Variants in ALDH7A1 observed in about 807,000 individuals in gnomAD.
The protein encoded by ALDH7A1 is alpha-aminoadipic semialdehyde dehydrogenase.
ALDH7A1 carries 63 observed loss-of-function variants against 79.9 expected under a neutral mutation model. That is an observed-to-expected ratio of 0.79 (90% confidence interval 0.64 to 0.97). The LOEUF is 0.97. Ranked by LOEUF, ALDH7A1 falls within the 50% of genes least tolerant of loss-of-function variation. ALDH7A1 has a pLI of 0.00. For missense variants in ALDH7A1, 627 were observed against 665.2 expected (o/e 0.94, Z 0.63); for synonymous variants, 240 against 231.2 (o/e 1.04, Z -0.34).
chr5:126,582,020 G>T, intron 5 of ALDH7A1: 1 of 397,000 alleles, frequency 2.5e-6, no homozygotes, highest in Non-Finnish European at 4.4e-6. Flanking sequence ...TTGGCTGTAC[G>T]TGCTCTAAAA....
intron 5 of ALDH7A1, chr5:126,581,875 G>C (rs1751187636): frequency 3.6e-6 from 1 of 274,702 alleles, no homozygotes; most frequent in Non-Finnish European, 6.7e-6. Flanking sequence ...CTACTCAGGA[G>C]TCTGAGGCAG....
intron 11 of ALDH7A1, 99 bp downstream of exon 11, chr5:126,559,141 G>T: frequency 1.0e-6 from 1 of 953,050 alleles, no homozygotes; most frequent in Non-Finnish European, 1.7e-6. Context: ...TAGAGAGCAT[G>T]TTGTTCTAGC....
At chr5:126,546,707 C>T (rs1749799126) in intron 16 of ALDH7A1, among the ~76,000 whole-genome samples, 1 of 151,682 alleles carries the variant, frequency 6.6e-6, no homozygotes, top group Non-Finnish European at 1.5e-5. Context: ...TGTAACCCCA[C>T]CGTGCCCAGC....
At chr5:126,569,991 C>T (rs899274575) in intron 8 of ALDH7A1, 1 of 152,194 alleles carries the variant, frequency 6.6e-6, no homozygotes, top group Admixed American at 6.5e-5. Flanking sequence ...CAGTTCAGCA[C>T]AAGTATAGTC....
At chr5:126,563,280 CTTTA>C (rs1429532819) in intron 9 of ALDH7A1, among the ~76,000 whole-genome samples, 2 of 151,664 alleles carry the variant, frequency 1.3e-5, no homozygotes, top group Non-Finnish European at 2.9e-5. Flanking sequence ...TTTCATTTTA[CTTTA>C]TTTTCTGATG....
At chr5:126,556,143 AT>A (rs1401845018) in intron 11 of ALDH7A1, 128 bp from the exon 12 acceptor site, 9 of 475,728 alleles carry the variant, frequency 1.9e-5, no homozygotes, top group Middle Eastern at 6.3e-4. Flanking sequence ...AAGCATGTTT[AT>A]TTTTTTAATT....
At chr5:126,579,030 C>G (rs1405371302) in intron 5 of ALDH7A1, among the ~76,000 whole-genome samples, 1 of 146,126 alleles carries the variant, frequency 6.8e-6, no homozygotes, top group Non-Finnish European at 1.5e-5. Context: ...GCCTCCTCCT[C>G]TCCAGCCCTC....
intron 14 of ALDH7A1, among the ~76,000 whole-genome samples, chr5:126,551,693 A>G (rs1172528513): frequency 6.6e-6 from 1 of 152,118 alleles, no homozygotes; most frequent in Non-Finnish European, 1.5e-5. Context: ...CACTCAGGCT[A>G]TCAAACTATC....
intron 11 of ALDH7A1, among the ~76,000 whole-genome samples, chr5:126,558,013 C>T (rs1309723129): frequency 6.6e-6 from 1 of 151,458 alleles, no homozygotes; most frequent in Non-Finnish European, 1.5e-5. Flanking sequence ...ACTAAAAATA[C>T]AAAAATTAGC....
chr5:126,544,838 TA>T lies in ALDH7A1; in HGVS notation c.*126del. On this transcript the variant is annotated 3_prime_UTR_variant, in exon 18 of 18. Transcript: ENST00000409134. ...TGATTTAATCAGGGCTTTGGGGTCA[TA>T]GGGGGATTAGTCACTGTCACAGTCA... 2.6e-6 allele frequency: 2 copies of T among 763,206 alleles called. No individual in the cohort carries two copies. Among genetic ancestry groups the T allele is most frequent in the South Asian group, 1.5e-5 (1 of 68,022 alleles). 47.3% of individuals were successfully genotyped at this position (763,206 alleles called of 1,614,324 possible).
chr5:126,551,555 T>C (rs1233355521), intron 14 of ALDH7A1, among the ~76,000 whole-genome samples: 1 of 152,094 alleles, frequency 6.6e-6, no homozygotes, highest in Non-Finnish European at 1.5e-5. Context: ...ACTCCTGACC[T>C]CAGGTGATCT....
chr5:126,575,648 G>A (rs925450368), intron 6 of ALDH7A1, among the ~76,000 whole-genome samples, 184 bp from the exon 7 acceptor site: 1 of 152,074 alleles, frequency 6.6e-6, no homozygotes, highest in Non-Finnish European at 1.5e-5. Flanking sequence ...GAGACCTAAG[G>A]AACAACAAAA....
chr5:126,556,158 T>C (rs1171295994), intron 11 of ALDH7A1, 143 bp from the exon 12 acceptor site: 4 of 433,898 alleles, frequency 9.2e-6, no homozygotes, highest in African/African-American at 6.2e-5. Flanking sequence ...TTTAATTATA[T>C]AATTTATCAT....
At chr5:126,559,439 T>G (rs2112768801) in intron 10 of ALDH7A1, 105 bp from the exon 11 acceptor site, 5 of 817,034 alleles carry the variant, frequency 6.1e-6, no homozygotes, top group East Asian at 5.8e-5. Context: ...TTTTGGTTTT[T>G]TTTTTTTTTT....
At chr5:126,593,898 A>C (rs1751645214) in intron 1 of ALDH7A1, 1 of 271,054 alleles carries the variant, frequency 3.7e-6, no homozygotes, top group African/African-American at 2.2e-5. Context: ...CAGATACCAC[A>C]CGGAAATCAG....
At chr5:126,570,575 G>A in intron 8 of ALDH7A1, 1 of 578,754 alleles carries the variant, frequency 1.7e-6, no homozygotes. Flanking sequence ...AGTACCTCTG[G>A]GCAATTAAAA....
chr5:126,577,898 T>C (rs986190931), intron 5 of ALDH7A1, among the ~76,000 whole-genome samples: 2 of 150,854 alleles, frequency 1.3e-5, no homozygotes, highest in Admixed American at 1.3e-4. Context: ...GACGAATCCC[T>C]GGGCCAACTT....
At chr5:126,572,569 A>C (rs1750811763) in intron 7 of ALDH7A1, among the ~76,000 whole-genome samples, 1 of 152,204 alleles carries the variant, frequency 6.6e-6, no homozygotes, top group Non-Finnish European at 1.5e-5. Context: ...TTATGGTAAA[A>C]ATGATCCCTG....
chr5:126,569,625 A>G (rs563244886), intron 8 of ALDH7A1: 1 of 152,306 alleles, frequency 6.6e-6, no homozygotes, highest in African/African-American at 2.4e-5. Context: ...TGTATATACT[A>G]CCATAATTAT....
Sources: allele counts gnomAD v4.1 joint callset (sites outside exome capture counted in the v4.1 genomes callset), GRCh38; gene constraint gnomAD v4.1.1; transcripts MANE v1.5; gene names NCBI Gene and HGNC (gene_info 2026-07-23, HGNC 2026-07-21).